ZNF695: variants seen among roughly 807,000 people sequenced by gnomAD.
ZNF695 encodes the protein zinc finger protein SBZF3.
A neutral mutation model predicts 11.2 loss-of-function variants in ZNF695; 11 were observed. That is an observed-to-expected ratio of 0.98 (90% CI 0.62 to 1.62). ZNF695 has a LOEUF of 1.62. Among genes scored for constraint, ZNF695 ranks in the 40% most tolerant of loss-of-function variants. ZNF695 has a pLI of 0.00. For synonymous variants in ZNF695, 190 were observed against 201.4 expected, an observed-to-expected ratio of 0.94 and a Z score of 0.48; for missense variants, 559 against 590.5, an observed-to-expected ratio of 0.95 and a Z score of 0.55.
At chr1:246,952,361 T>C (rs564994554) in intron 5 of ZNF695, among the ~76,000 whole-genome samples, 1 of 152,360 alleles carries the variant, frequency 6.6e-6, no homozygotes, top group South Asian at 2.1e-4. Context: ...GATTTAAACA[T>C]TTTATTTATT....
downstream of ZNF695, among the ~76,000 whole-genome samples, chr1:246,982,311 A>G (rs1668730938): frequency 6.7e-6 from 1 of 150,228 alleles, no homozygotes; most frequent in African/African-American, 2.5e-5. Context: ...TTTTAAATCC[A>G]CAGAAGTCAT....
chr1:246,969,446 C>T (rs1668370686), intron 4 of ZNF695: 1 of 152,250 alleles, frequency 6.6e-6, no homozygotes, highest in Non-Finnish European at 1.5e-5. Context: ...ATATCACCAT[C>T]AGCATTTTGG....
intron 3 of ZNF695, among the ~76,000 whole-genome samples, chr1:246,994,848 CAAAAACA>C (rs1196895410): frequency 6.7e-6 from 1 of 148,644 alleles, no homozygotes; most frequent in Non-Finnish European, 1.5e-5. Context: ...AAAACAAAAA[CAAAAACA>C]AAAAACAAAC....
chr1:246,956,950 G>A (rs978568867), intron 5 of ZNF695, among the ~76,000 whole-genome samples: 1 of 152,130 alleles, frequency 6.6e-6, no homozygotes, highest in Non-Finnish European at 1.5e-5. Context: ...ATCATGATAT[G>A]TGAAATGAAC....
chr1:246,965,508 A>AGGCC (rs1668266429), intron 5 of ZNF695, among the ~76,000 whole-genome samples: 1 of 152,166 alleles, frequency 6.6e-6, no homozygotes, highest in Non-Finnish European at 1.5e-5. Context: ...AGGCTGAGGC[A>AGGCC]GGCCGATCGC....
rs115689733 is a variant in ZNF695 at position 246,969,017 on chromosome 1, T to C, written c.391-1225A>G. 535 of 152,368 alleles carry C rather than the reference T, an allele frequency of 3.5e-3. 3 individuals carry two copies. The highest frequency in any genetic ancestry group is 0.012 in the African/African-American group (515 of 41,590). 9.4% of individuals were successfully genotyped at this position (152,368 alleles called of 1,614,324 possible). A position where few individuals can be genotyped will look rare whatever the true frequency, so the allele number is the denominator to read the frequency against. ...CTTGGGGGCATTTTTCCCATTGTCT[T>C]GGCTGTTAACATACGGCTCCTCTTT... On this transcript the variant is annotated intron_variant, in intron 4 of 5. Transcript: ENST00000487338.
intron 5 of ZNF695, among the ~76,000 whole-genome samples, chr1:246,962,746 A>G (rs942336370): frequency 6.0e-5 from 9 of 150,776 alleles, no homozygotes; most frequent in Middle Eastern, 3.4e-3. Flanking sequence ...AGGCTGCAGT[A>G]CAGTGGCACG....
At chr1:246,998,977 A>AATAT (rs6143721) in intron 3 of ZNF695, among the ~76,000 whole-genome samples, 2,068 of 143,292 alleles carry the variant, frequency 0.014, 13 homozygotes, top group Non-Finnish European at 0.022. Flanking sequence ...CAAGAAAACA[A>AATAT]ATATATATAT....
chr1:247,003,259 C>T (rs1255862212), intron 1 of ZNF695, among the ~76,000 whole-genome samples: 1 of 152,192 alleles, frequency 6.6e-6, no homozygotes, highest in Non-Finnish European at 1.5e-5. Context: ...CATACATGAA[C>T]ACCAGGGAAT....
At chr1:246,982,779 T>G (rs1360400916), downstream of ZNF695, among the ~76,000 whole-genome samples, 1 of 151,926 alleles carries the variant, frequency 6.6e-6, no homozygotes, top group Non-Finnish European at 1.5e-5. Context: ...TCTATCTATT[T>G]ATATCCTTTT....
At chr1:246,996,418 A>G (rs1371535890) in intron 3 of ZNF695, among the ~76,000 whole-genome samples, 1 of 152,196 alleles carries the variant, frequency 6.6e-6, no homozygotes, top group African/African-American at 2.4e-5. Flanking sequence ...AAAACAAAAC[A>G]AAACAAAACA....
chr1:246,994,879 G>T (rs994789439), intron 3 of ZNF695, among the ~76,000 whole-genome samples: 1 of 151,836 alleles, frequency 6.6e-6, no homozygotes, highest in East Asian at 1.9e-4. Flanking sequence ...CAAAAAACAC[G>T]AACAACTCAC....
downstream of ZNF695, among the ~76,000 whole-genome samples, chr1:246,981,304 C>G (rs1189019249): frequency 6.6e-6 from 1 of 151,924 alleles, no homozygotes; most frequent in Non-Finnish European, 1.5e-5. Flanking sequence ...CAGCCACTGC[C>G]AAAAACAGTA....
intron 5 of ZNF695, among the ~76,000 whole-genome samples, chr1:246,964,962 T>C (rs567716519): frequency 1.3e-4 from 20 of 152,196 alleles, no homozygotes; most frequent in Admixed American, 4.6e-4. Context: ...CTTTATGGGG[T>C]GATTGGGTCG....
chr1:246,977,073 T>C (rs12240049), intron 4 of ZNF695, among the ~76,000 whole-genome samples: 9 of 152,198 alleles, frequency 5.9e-5, no homozygotes, highest in African/African-American at 2.2e-4. Context: ...TCCCTGCCAT[T>C]CGCAAAGTTT....
At chr1:246,983,291 G>C (rs1475127784), downstream of ZNF695, among the ~76,000 whole-genome samples, 6 of 152,088 alleles carry the variant, frequency 3.9e-5, no homozygotes, top group Non-Finnish European at 1.5e-5. Flanking sequence ...GGCTGAGGTA[G>C]GGGGGTTGCT....
chr1:247,005,199 T>C (rs1269612572), intron 1 of ZNF695, among the ~76,000 whole-genome samples: 3 of 152,098 alleles, frequency 2.0e-5, no homozygotes, highest in African/African-American at 7.2e-5. Flanking sequence ...TACAGAGCTA[T>C]AGCAACAAAA....
chr1:246,997,553 ATGTG>A (rs1020710400), intron 3 of ZNF695, among the ~76,000 whole-genome samples: 1 of 146,530 alleles, frequency 6.8e-6, no homozygotes, highest in Non-Finnish European at 1.5e-5. Flanking sequence ...GCAATCTCAC[ATGTG>A]TGTGTGTGTG....
intron 1 of ZNF695, among the ~76,000 whole-genome samples, chr1:247,002,205 TACA>T (rs1308189273): frequency 6.6e-6 from 1 of 152,030 alleles, no homozygotes; most frequent in African/African-American, 2.4e-5. Flanking sequence ...ACCATACAGT[TACA>T]AGGAAATTAA....
Sources: allele counts gnomAD v4.1 joint callset (sites outside exome capture counted in the v4.1 genomes callset), GRCh38; gene constraint gnomAD v4.1.1; transcripts MANE v1.5; gene names NCBI Gene and HGNC (gene_info 2026-07-23, HGNC 2026-07-21).